Variants in DLC1 observed in about 807,000 individuals in gnomAD.
DLC1 encodes the protein rho GTPase-activating protein 7.
Under a neutral mutation model 140.3 loss-of-function variants are expected in DLC1, and 54 were observed. That is an observed-to-expected ratio of 0.38 (90% confidence interval 0.31 to 0.48). The LOEUF (loss-of-function observed/expected upper bound fraction) is 0.48, where lower values mean the gene tolerates loss of function less well. DLC1 is among the 20% of genes least tolerant of loss of function. The pLI, the probability that DLC1 is intolerant of heterozygous loss-of-function variation, is 0.96. For missense variants in DLC1, 2,536 were observed against 1,907.0 expected, an observed-to-expected ratio of 1.33 and a Z score of -6.14; for synonymous variants, 986 against 728.1, an observed-to-expected ratio of 1.35 and a Z score of -5.70.
At chr8:13,310,449 C>T (rs1007841569) in intron 4 of DLC1, among the ~76,000 whole-genome samples, 1 of 152,108 alleles carries the variant, frequency 6.6e-6, no homozygotes, top group African/African-American at 2.4e-5. Context: ...ATAAGTAATT[C>T]TGTCCTTAGA....
chr8:13,187,555 G>A (rs1433820142), intron 5 of DLC1, among the ~76,000 whole-genome samples: 1 of 152,192 alleles, frequency 6.6e-6, no homozygotes, highest in Non-Finnish European at 1.5e-5. Flanking sequence ...AAAGATGACA[G>A]AGGACTATTG....
chr8:13,179,478 T>C (rs1361794583), intron 5 of DLC1, among the ~76,000 whole-genome samples: 1 of 152,148 alleles, frequency 6.6e-6, no homozygotes, highest in African/African-American at 2.4e-5. Context: ...CCCAGCACTT[T>C]AGGAGTCTGA....
chr8:13,273,610 T>C (rs1831039934), intron 5 of DLC1, among the ~76,000 whole-genome samples: 1 of 151,880 alleles, frequency 6.6e-6, no homozygotes, highest in Admixed American at 6.6e-5. Flanking sequence ...CTGTTTCGTG[T>C]AGAAGGGAGT....
intron 5 of DLC1, among the ~76,000 whole-genome samples, chr8:13,155,515 T>C (rs1053612469): frequency 2.0e-5 from 3 of 152,244 alleles, no homozygotes; most frequent in Admixed American, 1.3e-4. Flanking sequence ...AAAGTAGGTA[T>C]CTTCAGTGCC....
chr8:13,557,544 G>C (rs893138496), intron 1 of DLC1: 3 of 152,220 alleles, frequency 2.0e-5, no homozygotes, highest in African/African-American at 7.2e-5. Flanking sequence ...GGATCATGGG[G>C]GTGGTTTTCC....
In DLC1 at chr8:13,559,720, C is replaced by T. The variant is rs559705308; in HGVS notation, c.-126+44817G>A. On this transcript the variant is annotated intron_variant, in intron 1 of 1. Transcript: ENST00000631382. ...GAATTCCAATTCTGTCATCTGTAATCACAGACCCTTCTACCCAAGGAAAAC... is the reference window on the plus strand; with the variant it reads ...GAATTCCAATTCTGTCATCTGTAATTACAGACCCTTCTACCCAAGGAAAAC... Among the ~76,000 whole-genome samples the T allele has an allele frequency of 3.3e-3, 506 of 152,284 alleles. 3 individuals are homozygous for T. The highest frequency in any genetic ancestry group is 0.012 in the African/African-American group (484 of 41,550).
intron 2 of DLC1, among the ~76,000 whole-genome samples, chr8:13,497,009 C>T (rs182567478): frequency 2.0e-5 from 3 of 151,732 alleles, no homozygotes; most frequent in African/African-American, 4.8e-5. Context: ...ACCATGTTAG[C>T]CGGGATGGTC....
intron 5 of DLC1, among the ~76,000 whole-genome samples, chr8:13,173,273 C>T (rs1276052125): frequency 6.6e-6 from 1 of 151,504 alleles, no homozygotes; most frequent in African/African-American, 2.4e-5. Flanking sequence ...GGAATTTAAG[C>T]TTTCTATATT....
chr8:13,214,885 G>C (rs1454900157), intron 5 of DLC1: 4 of 689,040 alleles, frequency 5.8e-6, no homozygotes, highest in Admixed American at 4.4e-5. Flanking sequence ...TTTTGTAAGC[G>C]CCTTGCTCCA....
At chr8:13,379,009 T>A (rs1660280653) in intron 4 of DLC1, among the ~76,000 whole-genome samples, 1 of 152,234 alleles carries the variant, frequency 6.6e-6, no homozygotes, top group Admixed American at 6.5e-5. Context: ...CCTCAAGCTT[T>A]TAAATGGCAT....
intron 2 of DLC1, among the ~76,000 whole-genome samples, chr8:13,460,880 T>G (rs1161679303): frequency 6.6e-6 from 1 of 152,218 alleles, no homozygotes; most frequent in Non-Finnish European, 1.5e-5. Context: ...GTGGCTTATT[T>G]CACAGTGTGA....
At position 13,092,459 on chromosome 8, in the gene DLC1, A is replaced by G. The variant is rs112421878; in HGVS notation, c.3740+153T>C. On this transcript the variant is annotated intron_variant, in intron 13 of 17. Transcript: ENST00000276297. ...GCACGCCAACAGACCAGTCTCAGGT[A>G]TGTCTTTATTAGCGGTGTGAGAATG... Among the ~76,000 whole-genome samples the G allele has an allele frequency of 2.7e-3, 406 of 152,300 alleles. 4 individuals carry two copies. The highest frequency in any genetic ancestry group is 9.4e-3 in the African/African-American group (391 of 41,568).
chr8:13,108,000 A>C (rs981622457), intron 7 of DLC1, among the ~76,000 whole-genome samples: 1 of 152,118 alleles, frequency 6.6e-6, no homozygotes, highest in Admixed American at 6.5e-5. Flanking sequence ...AGCCGAGATC[A>C]CGCCACTGTA....
intron 4 of DLC1, among the ~76,000 whole-genome samples, chr8:13,306,130 G>A (rs1231649130): frequency 6.6e-6 from 1 of 152,120 alleles, no homozygotes; most frequent in Admixed American, 6.6e-5. Flanking sequence ...AAGCGTACCA[G>A]ATCTTCAGGG....
chr8:13,166,268 C>T (rs1357965765), intron 5 of DLC1, among the ~76,000 whole-genome samples: 1 of 152,198 alleles, frequency 6.6e-6, no homozygotes, highest in Non-Finnish European at 1.5e-5. Context: ...CTAATTCAGG[C>T]CATCATTCCT....
At chr8:13,247,105 A>C (rs933913935) in intron 5 of DLC1, among the ~76,000 whole-genome samples, 4 of 152,246 alleles carry the variant, frequency 2.6e-5, no homozygotes, top group African/African-American at 9.6e-5. Flanking sequence ...GCTTTTTATA[A>C]GTATTTAGTG....
intron 2 of DLC1, among the ~76,000 whole-genome samples, chr8:13,428,032 C>T (rs1337830148): frequency 1.3e-5 from 2 of 152,096 alleles, no homozygotes; most frequent in African/African-American, 2.4e-5. Context: ...CTTCGGGGAG[C>T]AGGGGAAGGG....
At chr8:13,177,638 G>C (rs1443799543) in intron 5 of DLC1, among the ~76,000 whole-genome samples, 2 of 152,116 alleles carry the variant, frequency 1.3e-5, no homozygotes, top group Admixed American at 6.5e-5. Context: ...GCAATACTGA[G>C]GTCTGCAAAT....
intron 1 of DLC1, among the ~76,000 whole-genome samples, chr8:13,532,080 G>T (rs1215170856): frequency 3.3e-5 from 5 of 152,136 alleles, no homozygotes; most frequent in African/African-American, 1.2e-4. Flanking sequence ...ATTTATTAAG[G>T]CTAGATTAGA....
Sources: gnomAD v4.1 joint callset for allele counts (sites outside exome capture counted in the v4.1 genomes callset) on GRCh38, gnomAD v4.1.1 for gene constraint, MANE v1.5 for transcripts, NCBI Gene and HGNC (gene_info 2026-07-23, HGNC 2026-07-21) for gene names.